ANKRD44: variants seen among roughly 807,000 people sequenced by gnomAD.
The protein encoded by ANKRD44 is serine/threonine-protein phosphatase 6 regulatory ankyrin repeat subunit B.
Under a neutral mutation model 116.0 loss-of-function variants are expected in ANKRD44, and 35 were observed. The ratio of observed to expected loss-of-function variants is 0.30; its 90% confidence interval spans 0.23 to 0.40. The LOEUF is 0.40. Ranked by LOEUF, ANKRD44 falls within the 10% of genes least tolerant of loss-of-function variation. The probability of loss-of-function intolerance (pLI) is 1.00; values close to 1 mark genes in which losing one functional copy is unlikely to be tolerated. For synonymous variants in ANKRD44, 435 were observed against 461.8 expected, an observed-to-expected ratio of 0.94 and a Z score of 0.74; for missense variants, 1,014 against 1,242.6, an observed-to-expected ratio of 0.82 and a Z score of 2.77.
intron 17 of ANKRD44, among the ~76,000 whole-genome samples, chr2:197,016,815 T>A (rs528265948): frequency 2.6e-5 from 4 of 152,308 alleles, no homozygotes; most frequent in African/African-American, 9.6e-5. Flanking sequence ...ACTCGCACTT[T>A]TTATTTTTTT....
chr2:197,172,085 C>T (rs1471993825), intron 2 of ANKRD44, among the ~76,000 whole-genome samples: 2 of 150,930 alleles, frequency 1.3e-5, no homozygotes, highest in Non-Finnish European at 2.9e-5. Flanking sequence ...ACTGCAACCT[C>T]CACCTCCCAG....
At chr2:197,100,097 C>A (rs2078254399) in intron 9 of ANKRD44, among the ~76,000 whole-genome samples, 167 bp from the exon 10 acceptor site, 3 of 152,220 alleles carry the variant, frequency 2.0e-5, no homozygotes, top group African/African-American at 7.2e-5. Context: ...AAGTCACCAT[C>A]TGAAGCAGTA....
chr2:197,272,096 CACA>C (rs978806955), intron 1 of ANKRD44, among the ~76,000 whole-genome samples: 1 of 152,196 alleles, frequency 6.6e-6, no homozygotes, highest in African/African-American at 2.4e-5. Flanking sequence ...AGATCGAGAT[CACA>C]ACAAGAAGTC....
At chr2:197,157,981 T>C (rs1046371865) in intron 2 of ANKRD44, among the ~76,000 whole-genome samples, 6 of 152,154 alleles carry the variant, frequency 3.9e-5, no homozygotes, top group African/African-American at 1.2e-4. Context: ...TACCAACTAT[T>C]TGTAAGGCCC....
chr2:197,090,994 T>G (rs774286404), intron 10 of ANKRD44, among the ~76,000 whole-genome samples: 6 of 152,258 alleles, frequency 3.9e-5, no homozygotes, highest in Non-Finnish European at 8.8e-5. Context: ...AGACCTCATT[T>G]TTCCTGGATG....
At chr2:197,193,706 C>T (rs1021460546) in intron 1 of ANKRD44, among the ~76,000 whole-genome samples, 3 of 151,872 alleles carry the variant, frequency 2.0e-5, no homozygotes, top group Non-Finnish European at 2.9e-5. Flanking sequence ...GGTGAAACCC[C>T]GTCTCTACTA....
chr2:197,303,999 G>A (rs189437112), intron 1 of ANKRD44, among the ~76,000 whole-genome samples: 11 of 152,280 alleles, frequency 7.2e-5, no homozygotes, highest in Non-Finnish European at 1.5e-4. Context: ...TTAAAAAGGA[G>A]TAATCTATAA....
At chr2:197,072,142 G>A (rs1162570838) in intron 16 of ANKRD44, among the ~76,000 whole-genome samples, 1 of 151,812 alleles carries the variant, frequency 6.6e-6, no homozygotes. Context: ...AGGAAAGGAG[G>A]GTGGGCCAGA....
chr2:197,209,264 T>TA (rs1159892399), intron 1 of ANKRD44, among the ~76,000 whole-genome samples: 1 of 152,188 alleles, frequency 6.6e-6, no homozygotes, highest in Non-Finnish European at 1.5e-5. Flanking sequence ...AGGATAAATA[T>TA]AAAATCTATA....
intron 18 of ANKRD44, among the ~76,000 whole-genome samples, chr2:197,011,252 G>T (rs148973688): frequency 1.1e-3 from 173 of 152,234 alleles, no homozygotes; most frequent in African/African-American, 4.0e-3. Flanking sequence ...ATTTTGACTG[G>T]TTCCTCTTTC....
Position 197,118,670 on chromosome 2 carries a change from A to G in ANKRD44, c.906+2662T>C, listed in dbSNP as rs79285735. On this transcript the variant is annotated intron_variant, in intron 8 of 27. Coordinates refer to ENST00000282272, the MANE Select transcript of ANKRD44 (RefSeq NM_001195144.2). The stretch of plus-strand genomic sequence containing the variant: ...AAGAAAGAAAGAAAGAAAGAAAGAA[A>G]GAAAGAAAAACCTAAATCATAATTT... Among the ~76,000 whole-genome samples, 267 of 151,518 alleles carry G rather than the reference A, an allele frequency of 1.8e-3. 2 individuals are homozygous for G. The highest frequency in any genetic ancestry group is 3.4e-3 in the Middle Eastern group (1 of 290).
intron 3 of ANKRD44, among the ~76,000 whole-genome samples, chr2:197,146,564 TAGAG>T (rs966326921): frequency 2.2e-4 from 34 of 151,232 alleles, no homozygotes; most frequent in East Asian, 5.8e-4. Flanking sequence ...CATGTATATA[TAGAG>T]AGAGAGTATA....
intron 1 of ANKRD44, among the ~76,000 whole-genome samples, chr2:197,250,254 A>G (rs971015712): frequency 1.3e-5 from 2 of 152,170 alleles, no homozygotes; most frequent in African/African-American, 2.4e-5. Flanking sequence ...ACAACACATC[A>G]TCACACAAGG....
At chr2:197,233,422 ATAT>A (rs1313548999) in intron 1 of ANKRD44, among the ~76,000 whole-genome samples, 4 of 152,192 alleles carry the variant, frequency 2.6e-5, no homozygotes, top group Admixed American at 2.6e-4. Context: ...TATATAAATA[ATAT>A]TATTAAGCAA....
chr2:197,042,537 C>T (rs1479655324), intron 16 of ANKRD44, among the ~76,000 whole-genome samples: 3 of 151,410 alleles, frequency 2.0e-5, no homozygotes, highest in South Asian at 2.1e-4. Flanking sequence ...TTCTTTCCTC[C>T]AGGCCTCCAT....
chr2:197,241,574 A>G (rs1425939024), intron 1 of ANKRD44, among the ~76,000 whole-genome samples: 3 of 152,236 alleles, frequency 2.0e-5, no homozygotes, highest in Non-Finnish European at 4.4e-5. Flanking sequence ...CAAGTTCTCT[A>G]TAATGAACTT....
intron 27 of ANKRD44, chr2:196,990,758 G>A: frequency 8.1e-7 from 1 of 1,232,148 alleles, no homozygotes; most frequent in Non-Finnish European, 1.0e-6. Context: ...GGCTAACCAT[G>A]CTACCCAGAT....
chr2:197,098,871 T>A (rs545971848), intron 10 of ANKRD44, among the ~76,000 whole-genome samples: 1 of 152,292 alleles, frequency 6.6e-6, no homozygotes, highest in African/African-American at 2.4e-5. Context: ...GGAAGCAGCT[T>A]GGATTGGCAT....
chr2:197,067,620 T>C (rs1383192161), intron 16 of ANKRD44, among the ~76,000 whole-genome samples: 6 of 130,226 alleles, frequency 4.6e-5, no homozygotes, highest in Non-Finnish European at 8.1e-5. Flanking sequence ...ATGCTCATCA[T>C]CACTGGCCAT....
Sources: allele counts gnomAD v4.1 joint callset (sites outside exome capture counted in the v4.1 genomes callset), GRCh38; gene constraint gnomAD v4.1.1; transcripts MANE v1.5; gene names NCBI Gene and HGNC (gene_info 2026-07-23, HGNC 2026-07-21).